Variants in CA2 observed in about 807,000 individuals in gnomAD.
The protein encoded by CA2 is carbonic anhydrase 2, also known as carbonate dehydratase II.
A neutral mutation model predicts 27.8 loss-of-function variants in CA2; 23 were observed. The ratio of observed to expected loss-of-function variants is 0.83; its 90% CI spans 0.59 to 1.17. The LOEUF (loss-of-function observed/expected upper bound fraction) is 1.17. Among genes scored for constraint, CA2 ranks in the 50% most tolerant of loss-of-function variants. The probability of loss-of-function intolerance (pLI) is 0.00; values close to 1 mark genes in which losing one functional copy is unlikely to be tolerated. For synonymous variants in CA2, 99 were observed against 114.9 expected (o/e 0.86, Z 0.88); for missense variants, 300 against 314.7 (o/e 0.95, Z 0.35).
intron 5 of CA2, among the ~76,000 whole-genome samples, chr8:85,476,449 G>A (rs1408658461): frequency 6.6e-6 from 1 of 152,178 alleles, no homozygotes; most frequent in Non-Finnish European, 1.5e-5. Flanking sequence ...TCACATTGAA[G>A]CAGCATCTAT....
At chr8:85,469,961 G>A (rs1811691008) in intron 2 of CA2, among the ~76,000 whole-genome samples, 1 of 152,094 alleles carries the variant, frequency 6.6e-6, no homozygotes, top group Non-Finnish European at 1.5e-5. Context: ...TTCTTTCACA[G>A]CAGTCCTAAG....
intron 5 of CA2, among the ~76,000 whole-genome samples, chr8:85,476,108 T>A (rs1249467557): frequency 6.6e-6 from 1 of 152,212 alleles, no homozygotes; most frequent in Non-Finnish European, 1.5e-5. Flanking sequence ...GACATCCATA[T>A]GTAAGAGTCA....
chr8:85,473,725 A>G lies in CA2; in HGVS notation c.265A>G (p.Arg89Gly). ...LKGGPLDGTY[R>G]LIQFHFHWGS... ...GGGAGGACCCCTGGATGGCACTTAC[A>G]GATTGATTCAGTTTCACTTTCACTG... The change falls in exon 3 of 7, where the codon AGA becomes GGA. Residue 89 changes from arginine to glycine, a missense_variant. Around this residue, in one of 3 missense-constraint regions of CA2, gnomAD observed 122 missense variants for 133.2 expected, o/e 0.92. Coordinates refer to ENST00000285379, the MANE Select transcript of CA2 (RefSeq NM_000067.3). 3.1e-6 allele frequency: 5 copies of G among 1,610,984 alleles called. No individual in the cohort carries two copies. The highest frequency in any genetic ancestry group is 4.2e-6 in the Non-Finnish European group (5 of 1,177,160).
At chr8:85,470,183 G>A (rs569745218) in intron 2 of CA2, among the ~76,000 whole-genome samples, 74 of 152,218 alleles carry the variant, frequency 4.9e-4, no homozygotes, top group African/African-American at 1.6e-3. Context: ...TTACTCTAGC[G>A]AAAGTGACAG....
chr8:85,470,852 T>G (rs1811704479), intron 2 of CA2, among the ~76,000 whole-genome samples: 1 of 152,036 alleles, frequency 6.6e-6, no homozygotes, highest in East Asian at 1.9e-4. Context: ...AAAACTGTAT[T>G]TATGTCTCCA....
intron 1 of CA2, 59 bp downstream of exon 1, chr8:85,464,174 T>G (rs1464136324): frequency 5.2e-5 from 70 of 1,357,824 alleles, no homozygotes; most frequent in Admixed American, 1.1e-4. Flanking sequence ...CGATCCCCGA[T>G]CCCCGAGCCC....
chr8:85,480,588 A>C, intron 6 of CA2, 82 bp from the exon 7 acceptor site: 2 of 1,386,522 alleles, frequency 1.4e-6, no homozygotes, highest in Non-Finnish European at 2.0e-6. Context: ...TGGCCGGGGA[A>C]TGTATTTAAA....
chr8:85,464,948 T>A (rs930199192), intron 1 of CA2: 1 of 294,336 alleles, frequency 3.4e-6, no homozygotes, highest in African/African-American at 2.2e-5. Flanking sequence ...CTGACATTAG[T>A]GTCTGCCCGA....
chr8:85,480,967 GAC>G lies in CA2; in HGVS notation c.*182_*183del. On this transcript the variant is annotated 3_prime_UTR_variant, in exon 7 of 7. Transcript: ENST00000285379. ...GAAGACTAGACCAATTGTCATGCTT[GAC>G]ACAACTGCTGTGGCTGGTTGGTGCT... The G allele has an allele frequency of 1.5e-6, 1 of 650,180 alleles. No individual in the cohort carries two copies. The highest frequency in any genetic ancestry group is 2.7e-6 in the Non-Finnish European group (1 of 369,382). The allele number at this position is 650,180 out of a possible 1,614,324, so 40.3% of individuals were successfully genotyped here.
Position 85,474,380 on chromosome 8 carries a change from AC to A in CA2, c.410del (p.Pro137LeufsTer7). The A allele has an allele frequency of 6.2e-7, 1 of 1,614,096 alleles. No individual in the cohort carries two copies. The highest frequency in any genetic ancestry group is 8.5e-7 in the Non-Finnish European group (1 of 1,179,948). On this transcript the variant is annotated frameshift_variant, in exon 4 of 7. Coordinates refer to ENST00000285379, the MANE Select transcript of CA2 (RefSeq NM_000067.3). LOFTEE classifies it high-confidence loss of function. ...YGDFGKAVQQ[P>X]DGLAVLGIFL... The stretch of plus-strand genomic sequence containing the variant: ...GGGATTTTGGGAAAGCTGTGCAGCA[AC>A]CTGATGGACTGGCCGTTCTAGGTAT...
intron 6 of CA2, among the ~76,000 whole-genome samples, chr8:85,479,823 T>A (rs570376635): frequency 6.6e-6 from 1 of 152,196 alleles, no homozygotes; most frequent in Non-Finnish European, 1.5e-5. Context: ...ATCCATAGCA[T>A]GAGATAAATT....
intron 2 of CA2, among the ~76,000 whole-genome samples, chr8:85,469,884 C>A (rs1254105794): frequency 6.6e-6 from 1 of 152,090 alleles, no homozygotes; most frequent in African/African-American, 2.4e-5. Context: ...GTCTGTATGA[C>A]GTAATGGATC....
chr8:85,464,412 G>A (rs1362996719), intron 1 of CA2: 1 of 397,726 alleles, frequency 2.5e-6, no homozygotes, highest in Non-Finnish European at 4.4e-6. Context: ...GGGACCCGAG[G>A]ACAGTCCCTC....
intron 2 of CA2, among the ~76,000 whole-genome samples, chr8:85,466,912 G>T (rs1320071740): frequency 6.6e-6 from 1 of 152,102 alleles, no homozygotes; most frequent in Non-Finnish European, 1.5e-5. Flanking sequence ...AAGGCCAAAG[G>T]TCTCAAGGTA....
intron 5 of CA2, among the ~76,000 whole-genome samples, chr8:85,476,152 C>A (rs1811796034): frequency 6.6e-6 from 1 of 152,110 alleles, no homozygotes; most frequent in Non-Finnish European, 1.5e-5. Context: ...GTTCAAAGGT[C>A]CTCTAGTCAA....
chr8:85,464,665 C>G (rs1811594189), intron 1 of CA2: 1 of 153,442 alleles, frequency 6.5e-6, no homozygotes, highest in Non-Finnish European at 1.4e-5. Flanking sequence ...TCCGAGTTTT[C>G]CCTTCATCTC....
chr8:85,477,742 AACTC>A (rs1430652332), intron 6 of CA2, among the ~76,000 whole-genome samples: 2 of 152,114 alleles, frequency 1.3e-5, no homozygotes, highest in Non-Finnish European at 2.9e-5. Context: ...TATCTATTAA[AACTC>A]ACTCCAGGTT....
At chr8:85,464,285 G>C in intron 1 of CA2, 170 bp downstream of exon 1, 1 of 518,834 alleles carries the variant, frequency 1.9e-6, no homozygotes, top group Non-Finnish European at 3.2e-6. Flanking sequence ...CTCCGCTCGC[G>C]GCTCCGCGGC....
chr8:85,477,240 G>T lies in CA2; in HGVS notation c.628G>T (p.Val210Leu). 1 of 1,614,068 alleles carries T rather than the reference G, an allele frequency of 6.2e-7. No individual in the cohort carries two copies. Among genetic ancestry groups the T allele is most frequent in the Non-Finnish European group, 8.5e-7 (1 of 1,179,982 alleles). Reference protein sequence around the residue: ...PPLLECVTWIVLKEPISVSSE... With the variant: ...PPLLECVTWILLKEPISVSSE... Reference sequence around the variant, plus strand: ...TCTTCTGGAATGTGTGACCTGGATTGTGCTCAAGGAACCCATCAGCGTCAG... The same window carrying T: ...TCTTCTGGAATGTGTGACCTGGATTTTGCTCAAGGAACCCATCAGCGTCAG... The change falls in exon 6 of 7, where the codon GTG (valine) becomes TTG (leucine). Residue 210 changes from valine (V) to leucine (L), a missense_variant. Coordinates refer to ENST00000285379, the MANE Select transcript of CA2 (RefSeq NM_000067.3).
Sources: allele counts gnomAD v4.1 joint callset (sites outside exome capture counted in the v4.1 genomes callset), GRCh38; gene constraint gnomAD v4.1.1; regional missense constraint gnomAD v4.1.1; transcripts MANE v1.5; gene names NCBI Gene and HGNC (gene_info 2026-07-23, HGNC 2026-07-21).